The following INTS2 variants were observed in gnomAD, a reference collection of about 807,000 sequenced individuals.
INTS2 encodes KIAA1287.
A neutral mutation model predicts 139.6 loss-of-function variants in INTS2; 57 were observed. That is an observed-to-expected ratio of 0.41 (90% confidence interval 0.33 to 0.51). The LOEUF (loss-of-function observed/expected upper bound fraction) is 0.51, where lower values mean the gene tolerates loss of function less well. Ranked by LOEUF, INTS2 falls within the 20% of genes least tolerant of loss-of-function variation. INTS2 has a pLI of 0.28. For missense variants in INTS2, 1,196 were observed against 1,436.7 expected (o/e 0.83, Z 2.71); for synonymous variants, 473 against 493.4 (o/e 0.96, Z 0.55).
chr17:61,915,341 A>AAAATAAAT (rs58856021), intron 5 of INTS2, among the ~76,000 whole-genome samples: 4,787 of 141,352 alleles, frequency 0.034, 225 homozygotes, highest in African/African-American at 0.11. Context: ...CCGTCTCAAA[A>AAAATAAAT]AAATAAATAA....
chr17:61,916,254 G>A (rs1483125458), intron 5 of INTS2, among the ~76,000 whole-genome samples: 1 of 151,964 alleles, frequency 6.6e-6, no homozygotes, highest in African/African-American at 2.4e-5. Flanking sequence ...CTAACACAGT[G>A]AAACCCCATC....
intron 3 of INTS2, among the ~76,000 whole-genome samples, chr17:61,922,548 G>GTATATATATATATATATATA (rs1491297129): frequency 3.7e-5 from 3 of 81,038 alleles, no homozygotes; most frequent in Admixed American, 1.4e-4. Context: ...ATATATATAC[G>GTATATATATATATATATATA]TGTTCAATTC....
intron 9 of INTS2, among the ~76,000 whole-genome samples, chr17:61,904,244 A>G (rs532684831): frequency 7.2e-5 from 11 of 152,296 alleles, no homozygotes; most frequent in African/African-American, 2.4e-4. Context: ...TCAAGGCTGC[A>G]CTGTGCTATG....
chr17:61,914,142 C>T (rs535560930), intron 5 of INTS2, among the ~76,000 whole-genome samples: 8 of 150,880 alleles, frequency 5.3e-5, no homozygotes, highest in African/African-American at 1.5e-4. Flanking sequence ...CACAAGAAAT[C>T]GACCTTAAGA....
chr17:61,876,284 ACT>A lies in INTS2; in HGVS notation c.2457-1248_2457-1247del, dbSNP rs1163140049. 6.6e-6 allele frequency among the ~76,000 whole-genome samples: 1 copy of A among 152,090 alleles called. No homozygotes were observed. The highest frequency in any genetic ancestry group is 2.4e-5 in the African/African-American group (1 of 41,408). ...ATCTCAAAAAAGTTAAGTTTACCAC[ACT>A]CTCTTTCTCAGGAAGCGAGATGAGT... is the stretch of plus-strand genomic sequence containing the variant. On this transcript the variant is annotated intron_variant, in intron 18 of 24. Coordinates refer to ENST00000251334, the MANE Select transcript of INTS2 (RefSeq NM_001351695.2). The surrounding 1 kb of genome is among the most constrained non-coding windows in gnomAD (Gnocchi z 4.1).
rs2065605023 is a variant in INTS2, at chr17:61,876,879, G to C, written c.2456+1008C>G. Among the ~76,000 whole-genome samples, 1 of 152,076 alleles carries C rather than the reference G, an allele frequency of 6.6e-6. No individual in the cohort carries two copies. On this transcript the variant is annotated intron_variant, in intron 18 of 24. Coordinates refer to ENST00000251334, the MANE Select transcript of INTS2 (RefSeq NM_001351695.2). This position sits in a 1 kb window ranked among gnomAD's most constrained non-coding sequence, Gnocchi z 4.1. The stretch of plus-strand genomic sequence containing the variant: ...TAAAAAACTGAGCAAATAGAAAAAA[G>C]GTATTAACTAACCCAACATATATGT...
chr17:61,866,918 C>A lies in INTS2; in HGVS notation c.*639G>T, dbSNP rs542051092. ...CTTCATATATTAATAAAAATTGAAG[C>A]AAATATGTGAAATCTTTAAATCCTC... is the stretch of plus-strand genomic sequence containing the variant. On this transcript the variant is annotated 3_prime_UTR_variant, in exon 25 of 25. Coordinates refer to ENST00000251334, the MANE Select transcript of INTS2 (RefSeq NM_001351695.2). The A allele has an allele frequency of 1.3e-5, 2 of 152,234 alleles. No homozygotes were observed. The highest frequency in any genetic ancestry group is 4.1e-4 in the South Asian group (2 of 4,824). The allele number at this position is 152,234 out of a possible 1,614,324, so 9.4% of individuals were successfully genotyped here.
In INTS2 at chr17:61,927,931, G is replaced by T. The variant is rs1442684205; in HGVS notation, c.-296C>A. ...GGGAGACTTTTTCAACCTGCACCCAGCACCTTCATTCATCCCCAGCGTCTG... is the reference window on the plus strand; with the variant it reads ...GGGAGACTTTTTCAACCTGCACCCATCACCTTCATTCATCCCCAGCGTCTG... On this transcript the variant is annotated 5_prime_UTR_variant, in exon 1 of 25. It adds an upstream start codon to the 5' untranslated region. Transcript: ENST00000251334. 6.2e-7 allele frequency: 1 copy of T among 1,613,874 alleles called. No homozygotes were observed. Among genetic ancestry groups the T allele is most frequent in the Non-Finnish European group, 8.5e-7 (1 of 1,179,902 alleles).
At chr17:61,907,812 GA>G (rs2079481797) in intron 7 of INTS2, among the ~76,000 whole-genome samples, 178 bp from the exon 8 acceptor site, 1 of 152,198 alleles carries the variant, frequency 6.6e-6, no homozygotes, top group African/African-American at 2.4e-5. Flanking sequence ...TAGTTTGTCT[GA>G]AGAATGAATA....
intron 16 of INTS2, among the ~76,000 whole-genome samples, chr17:61,883,918 A>T (rs2079201167): frequency 6.6e-6 from 1 of 151,802 alleles, no homozygotes; most frequent in African/African-American, 2.4e-5. Context: ...CTGAGGTAGG[A>T]GGATGTTTGA....
At position 61,878,065 on chromosome 17, in the gene INTS2, T is replaced by G. The variant is rs606072; in HGVS notation, c.2278A>C (p.Asn760His). 1,609,590 of 1,611,204 alleles carry G rather than the reference T, an allele frequency of 1. 804,002 individuals are homozygous for G. The highest frequency in any genetic ancestry group is 1 in the Non-Finnish European group (1,177,347 of 1,177,370). ...QEAFSAVPVNNTQVMQIIEHL... is the reference protein window; with the variant it reads ...QEAFSAVPVNHTQVMQIIEHL... The stretch of plus-strand genomic sequence containing the variant: ...TCTATAATCTGCATCACTTGTGTGT[T>G]ATTTACTGGGACAGCTGAAAATGCT... The change falls in exon 18 of 25, where the codon AAC (asparagine) becomes CAC (histidine). Residue 760 changes from asparagine (N) to histidine (H), a missense_variant. Coordinates refer to ENST00000251334, the MANE Select transcript of INTS2 (RefSeq NM_001351695.2).
Position 61,909,814 on chromosome 17 carries a change from C to CATATAT in INTS2, c.954+1705_954+1706insATATAT, listed in dbSNP as rs1298760815. Reference sequence around the variant, plus strand: ...GTATACATATATACGTGTGTGTGTACATGTGTGTATGTGTGTGTGTGTGTG... The same window carrying CATATAT: ...GTATACATATATACGTGTGTGTGTACATATATATGTGTGTATGTGTGTGTGTGTGTG... On this transcript the variant is annotated intron_variant, in intron 7 of 24. Transcript: ENST00000251334. This position sits in a 1 kb window ranked among gnomAD's most constrained non-coding sequence, Gnocchi z 4.9. Among the ~76,000 whole-genome samples the CATATAT allele has an allele frequency of 4.7e-5, 4 of 85,160 alleles. No individual in the cohort carries two copies. The highest frequency in any genetic ancestry group is 7.0e-5 in the Non-Finnish European group (3 of 42,672). The allele number at this position is 85,160 out of a possible 152,430, so 55.9% of individuals were successfully genotyped here.
chr17:61,906,752 A>C (rs908905299), intron 8 of INTS2, among the ~76,000 whole-genome samples: 3 of 151,290 alleles, frequency 2.0e-5, no homozygotes, highest in African/African-American at 7.3e-5. Flanking sequence ...TGGGAGGCTG[A>C]GGCAGGCAGA....
chr17:61,890,593 G>A (rs1199802157), intron 14 of INTS2, among the ~76,000 whole-genome samples: 3 of 141,444 alleles, frequency 2.1e-5, no homozygotes, highest in Non-Finnish European at 4.5e-5. Flanking sequence ...CGGGGCAACA[G>A]AGTGAGACTC....
Position 61,881,053 on chromosome 17 carries a change from G to A in INTS2, c.2208C>T (p.Leu736=), listed in dbSNP as rs759381375. 1 of 1,613,766 alleles carries A rather than the reference G, an allele frequency of 6.2e-7. No homozygotes were observed. Among genetic ancestry groups the A allele is most frequent in the Non-Finnish European group, 8.5e-7 (1 of 1,179,780 alleles). Residue 736 remains leucine, a synonymous_variant, in exon 17 of 25, where the codon CTC becomes CTT. Transcript: ENST00000251334. ...AATGATTTTTAGCATTATTAGTCAGGAGCATTCGCCGTAGCAGGGCATCAG... is the reference window on the plus strand; with the variant it reads ...AATGATTTTTAGCATTATTAGTCAGAAGCATTCGCCGTAGCAGGGCATCAG... The part of the protein sequence containing the change: ...TGTDALLRRM[L]LTNNAKNHSP...
rs376674245 is a variant in INTS2 at position 61,911,965 on chromosome 17, T to C, written c.755A>G (p.Gln252Arg). 1.4e-5 allele frequency: 23 copies of C among 1,613,504 alleles called. No individual in the cohort carries two copies. Among genetic ancestry groups the C allele is most frequent in the African/African-American group, 5.3e-5 (4 of 74,880 alleles). Residue 252 changes from glutamine to arginine, a missense_variant, in exon 6 of 25, where the codon CAG becomes CGG. Gln to Arg is a conservative substitution (Grantham distance 43). Transcript: ENST00000251334. ...LRFLCKMNPS[Q>R]ALKVRGMVVE... is the part of the protein sequence containing the mutation. ...CACCATGCCTCGGACCTTGAGGGCC[T>C]GAGAAGGATTCATTTTACACAAGAA...
intron 9 of INTS2, among the ~76,000 whole-genome samples, chr17:61,902,858 TAAAAAAAAAA>T (rs1049738346): frequency 1.0e-5 from 1 of 98,088 alleles, no homozygotes; most frequent in East Asian, 2.8e-4. Context: ...TGAAAGAGCT[TAAAAAAAAAA>T]AAAAAAAAAA....
At chr17:61,908,212 C>T (rs1394000922) in intron 7 of INTS2, among the ~76,000 whole-genome samples, 1 of 152,082 alleles carries the variant, frequency 6.6e-6, no homozygotes, top group African/African-American at 2.4e-5. Flanking sequence ...GTCAGGAGTT[C>T]GAGACCAGCC....
In INTS2 at chr17:61,869,824, G is replaced by A; in HGVS notation, c.2943C>T (p.Asn981=). Residue 981 remains asparagine (N), a synonymous_variant, in exon 21 of 25, where the codon AAC becomes AAT. Transcript: ENST00000251334. This position sits in a 1 kb window ranked among gnomAD's most constrained non-coding sequence, Gnocchi z 5.4. The part of the protein sequence containing the change: ...MEEGEDNLLC[N]LREVQCLICC... ...AGATAAGGCACTGAACTTCTCGAAG[G>A]TTACAGAGCAAATTGTCTTCTCCTT... The A allele has an allele frequency of 6.2e-7, 1 of 1,613,870 alleles. No individual in the cohort carries two copies. The highest frequency in any genetic ancestry group is 8.5e-7 in the Non-Finnish European group (1 of 1,179,794).
Sources: gnomAD v4.1 joint callset for allele counts (sites outside exome capture counted in the v4.1 genomes callset) on GRCh38, gnomAD v4.1.1 for gene constraint, Gnocchi (gnomAD v3.1) non-coding constraint, MANE v1.5 for transcripts, NCBI Gene and HGNC (gene_info 2026-07-23, HGNC 2026-07-21) for gene names.